Variants in MRPS28 observed in about 807,000 individuals in gnomAD.
MRPS28 encodes the protein small ribosomal subunit protein bS1m.
Under a neutral mutation model 10.8 loss-of-function variants are expected in MRPS28, and 7 were observed. The observed-to-expected ratio is 0.65, with a 90% CI of 0.37 to 1.22. MRPS28 has a LOEUF of 1.22. Ranked by LOEUF, MRPS28 falls within the 50% of genes most tolerant of loss-of-function variation. MRPS28 has a pLI of 0.02. For missense variants in MRPS28, 265 were observed against 232.9 expected (o/e 1.14, Z -0.90); for synonymous variants, 121 against 93.3 (o/e 1.30, Z -1.71).
chr8:80,029,644 A>C (rs1809594103), intron 1 of MRPS28: 1 of 956,652 alleles, frequency 1.0e-6, no homozygotes, highest in South Asian at 1.4e-5. Flanking sequence ...TCCATGCTAG[A>C]GCTACTGTTC....
intron 2 of MRPS28, among the ~76,000 whole-genome samples, chr8:79,929,177 GA>G (rs2129884354): frequency 6.6e-6 from 1 of 152,262 alleles, no homozygotes; most frequent in African/African-American, 2.4e-5. Flanking sequence ...CATAAGTACA[GA>G]AAAGCAAGCA....
intron 2 of MRPS28, among the ~76,000 whole-genome samples, chr8:79,995,293 C>A (rs1037637689): frequency 6.6e-5 from 10 of 152,128 alleles, no homozygotes; most frequent in African/African-American, 2.4e-4. Flanking sequence ...CAGCTTATTT[C>A]TTGAGATTGA....
intron 2 of MRPS28, among the ~76,000 whole-genome samples, chr8:79,950,936 A>G (rs1807062517): frequency 6.6e-6 from 1 of 151,926 alleles, no homozygotes; most frequent in Non-Finnish European, 1.5e-5. Context: ...CTGATTCCCA[A>G]CCTAATATCT....
intron 2 of MRPS28, among the ~76,000 whole-genome samples, chr8:79,920,092 C>T (rs1363004643): frequency 1.3e-5 from 2 of 152,088 alleles, no homozygotes; most frequent in African/African-American, 2.4e-5. Flanking sequence ...TTTCCAGCTT[C>T]ATCCATGTCC....
intron 2 of MRPS28, among the ~76,000 whole-genome samples, chr8:79,977,742 G>A (rs143299594): frequency 0.013 from 2,030 of 152,064 alleles, 64 homozygotes; most frequent in African/African-American, 0.044. Context: ...GCTTGAACCC[G>A]GGAGGCGGAG....
intron 2 of MRPS28, among the ~76,000 whole-genome samples, chr8:79,960,597 A>T (rs1310264106): frequency 6.6e-6 from 1 of 152,134 alleles, no homozygotes; most frequent in Non-Finnish European, 1.5e-5. Flanking sequence ...TCAACTGTGA[A>T]GGCTAGCATT....
At chr8:80,022,313 A>C (rs1488612788) in intron 1 of MRPS28, among the ~76,000 whole-genome samples, 2 of 152,126 alleles carry the variant, frequency 1.3e-5, no homozygotes, top group Non-Finnish European at 2.9e-5. Flanking sequence ...CACGGTAAGG[A>C]TGTACCACAG....
At chr8:80,023,155 TCA>T (rs1809411074) in intron 1 of MRPS28, among the ~76,000 whole-genome samples, 3 of 152,338 alleles carry the variant, frequency 2.0e-5, no homozygotes, top group Middle Eastern at 3.4e-3. Flanking sequence ...TTTTTATTAC[TCA>T]GAGGTAATTC....
intron 2 of MRPS28, among the ~76,000 whole-genome samples, chr8:80,000,400 T>C (rs1808629852): frequency 6.6e-6 from 1 of 152,136 alleles, no homozygotes; most frequent in African/African-American, 2.4e-5. Context: ...CCTAAGTACC[T>C]TTAAAAAGAC....
At chr8:80,003,644 C>T (rs573863802) in intron 1 of MRPS28, among the ~76,000 whole-genome samples, 5 of 152,278 alleles carry the variant, frequency 3.3e-5, no homozygotes, top group South Asian at 2.1e-4. Flanking sequence ...TGTCGGACAG[C>T]GGGTGCAGGG....
At chr8:79,948,057 G>A (rs1183969217) in intron 2 of MRPS28, among the ~76,000 whole-genome samples, 15 of 148,204 alleles carry the variant, frequency 1.0e-4, no homozygotes, top group Admixed American at 4.7e-4. Flanking sequence ...GCGCAATCTC[G>A]GCTCACTGCA....
intron 2 of MRPS28, among the ~76,000 whole-genome samples, chr8:79,987,250 C>A (rs1586079225): frequency 6.6e-6 from 1 of 151,894 alleles, no homozygotes. Flanking sequence ...TGGATCCCTT[C>A]CTTACACCTT....
At chr8:80,009,750 T>C (rs1421290535) in intron 1 of MRPS28, among the ~76,000 whole-genome samples, 1 of 151,962 alleles carries the variant, frequency 6.6e-6, no homozygotes, top group Non-Finnish European at 1.5e-5. Flanking sequence ...ATCAAGTCTC[T>C]GAGAATGGGG....
intron 2 of MRPS28, among the ~76,000 whole-genome samples, chr8:79,995,930 C>T (rs1044883000): frequency 6.6e-6 from 1 of 151,906 alleles, no homozygotes; most frequent in African/African-American, 2.4e-5. Context: ...GGCATAACAG[C>T]AGTAAAGGAG....
intron 2 of MRPS28, among the ~76,000 whole-genome samples, chr8:79,984,915 C>T (rs1563533973): frequency 1.3e-5 from 2 of 152,138 alleles, no homozygotes; most frequent in African/African-American, 4.8e-5. Flanking sequence ...CAGCTTTGCA[C>T]CACGCGGACC....
intron 2 of MRPS28, among the ~76,000 whole-genome samples, chr8:79,922,082 T>C (rs1810109400): frequency 6.6e-6 from 1 of 152,240 alleles, no homozygotes; most frequent in South Asian, 2.1e-4. Flanking sequence ...CTGGATTACG[T>C]TTATTGATTT....
At chr8:80,022,448 G>A (rs538356341) in intron 1 of MRPS28, among the ~76,000 whole-genome samples, 1 of 152,272 alleles carries the variant, frequency 6.6e-6, no homozygotes, top group African/African-American at 2.4e-5. Context: ...GTGACACCCA[G>A]TTCTCAGTGT....
intron 1 of MRPS28, among the ~76,000 whole-genome samples, chr8:80,016,106 C>T (rs1563543821): frequency 6.6e-6 from 1 of 152,134 alleles, no homozygotes; most frequent in Non-Finnish European, 1.5e-5. Context: ...AAGACAAATA[C>T]AGCAGAAATA....
Position 79,946,339 on chromosome 8 carries a change from T to C in MRPS28, c.396-27191A>G, listed in dbSNP as rs182612699. Among the ~76,000 whole-genome samples the C allele has an allele frequency of 2.1e-3, 322 of 152,216 alleles. 1 individual carries two copies. The highest frequency in any genetic ancestry group is 3.4e-3 in the Non-Finnish European group (228 of 67,954). The stretch of plus-strand genomic sequence containing the variant: ...ACTATTAATGTGTATATACTTGAAG[T>C]AAAGAAGAAATAGATGCTGTAACAT... On this transcript the variant is annotated intron_variant, in intron 2 of 2. Coordinates refer to ENST00000276585, the MANE Select transcript of MRPS28 (RefSeq NM_014018.3).
Sources: allele counts gnomAD v4.1 joint callset (sites outside exome capture counted in the v4.1 genomes callset), GRCh38; gene constraint gnomAD v4.1.1; transcripts MANE v1.5; gene names NCBI Gene and HGNC (gene_info 2026-07-23, HGNC 2026-07-21).